Variants in FSTL5 observed in about 807,000 individuals in gnomAD.
FSTL5 encodes follistatin like 5, also known as follistatin-related protein 5.
A neutral mutation model predicts 89.1 loss-of-function variants in FSTL5; 62 were observed. The observed-to-expected ratio is 0.70, with a 90% CI of 0.57 to 0.86. The LOEUF (loss-of-function observed/expected upper bound fraction) is 0.86, where lower values mean the gene tolerates loss of function less well. Ranked by LOEUF, FSTL5 falls within the 40% of genes least tolerant of loss-of-function variation. The pLI is 0.00. For synonymous variants in FSTL5, 383 were observed against 346.2 expected (o/e 1.11, Z -1.18); for missense variants, 1,057 against 1,001.6 (o/e 1.06, Z -0.75).
chr4:161,978,861 T>C (rs572194374), intron 3 of FSTL5, among the ~76,000 whole-genome samples: 15 of 152,280 alleles, frequency 9.9e-5, no homozygotes, highest in Non-Finnish European at 1.8e-4. Context: ...TATTGCCTCA[T>C]ATCAGGAGAC....
At chr4:162,088,992 T>A (rs1250827521) in intron 2 of FSTL5, among the ~76,000 whole-genome samples, 2 of 152,096 alleles carry the variant, frequency 1.3e-5, no homozygotes, top group African/African-American at 2.4e-5. Context: ...AGAAAGATGA[T>A]TAGGCTGTAA....
intron 3 of FSTL5, among the ~76,000 whole-genome samples, chr4:161,995,610 A>G (rs529657563): frequency 8.5e-5 from 13 of 152,308 alleles, no homozygotes; most frequent in African/African-American, 3.1e-4. Context: ...AGCACTCCGC[A>G]TCAGTGCTTT....
intron 4 of FSTL5, among the ~76,000 whole-genome samples, chr4:161,842,709 C>A (rs187446572): frequency 6.6e-6 from 1 of 151,814 alleles, no homozygotes; most frequent in East Asian, 1.9e-4. Flanking sequence ...ATATAAGTGG[C>A]TTCTTAATAT....
At chr4:161,566,675 T>C (rs1379187499) in intron 8 of FSTL5, among the ~76,000 whole-genome samples, 1 of 152,106 alleles carries the variant, frequency 6.6e-6, no homozygotes, top group African/African-American at 2.4e-5. Context: ...TATCTCATTG[T>C]GGTTTTGATT....
At position 162,138,490 on chromosome 4, in the gene FSTL5, A is replaced by C. The variant is rs143307032; in HGVS notation, c.-17+25125T>G. On this transcript the variant is annotated intron_variant, in intron 1 of 15. Coordinates refer to ENST00000306100, the MANE Select transcript of FSTL5 (RefSeq NM_020116.5). ...ATAGAAGGAAAATCCTTAATCTTTA[A>C]AAAGACATCTATTTTTCTTAATGTA... Among the ~76,000 whole-genome samples the C allele has an allele frequency of 2.1e-3, 323 of 152,224 alleles. 1 individual carries two copies. The highest frequency in any genetic ancestry group is 7.1e-3 in the African/African-American group (296 of 41,576).
intron 1 of FSTL5, among the ~76,000 whole-genome samples, chr4:162,142,035 A>G (rs577163910): frequency 2.0e-5 from 3 of 152,270 alleles, no homozygotes; most frequent in South Asian, 2.1e-4. Flanking sequence ...TGAAGGTGCT[A>G]TTGTATCTAA....
At chr4:161,485,585 G>T (rs1729649841) in intron 12 of FSTL5, among the ~76,000 whole-genome samples, 1 of 152,030 alleles carries the variant, frequency 6.6e-6, no homozygotes, top group African/African-American at 2.4e-5. Context: ...ATAAACCAAA[G>T]AAAGAATGAA....
intron 5 of FSTL5, among the ~76,000 whole-genome samples, chr4:161,774,252 G>A (rs903796907): frequency 6.6e-6 from 1 of 152,032 alleles, no homozygotes. Flanking sequence ...CAAATGCAAG[G>A]GAAGGCTTAG....
chr4:161,581,788 G>C (rs571770994), intron 8 of FSTL5, among the ~76,000 whole-genome samples: 1 of 152,340 alleles, frequency 6.6e-6, no homozygotes, highest in East Asian at 1.9e-4. Context: ...TATTATGTAT[G>C]AGGGCTTAAA....
chr4:162,057,089 G>A lies in FSTL5; in HGVS notation c.127-23431C>T, dbSNP rs367639043. Among the ~76,000 whole-genome samples the A allele has an allele frequency of 2.8e-4, 42 of 152,348 alleles. 1 individual carries two copies. In the South Asian group the frequency reaches 8.7e-3, roughly 32 times the overall value. On this transcript the variant is annotated intron_variant, in intron 2 of 15. Coordinates refer to ENST00000306100, the MANE Select transcript of FSTL5 (RefSeq NM_020116.5). ...GTGCAGCAGGTTGCAAACAGGTCCT[G>A]AAGGGACGGCACATCCCAGCTGGAG...
At chr4:161,489,665 G>GA (rs1300777168) in intron 12 of FSTL5, among the ~76,000 whole-genome samples, 3 of 151,850 alleles carry the variant, frequency 2.0e-5, no homozygotes, top group African/African-American at 2.4e-5. Context: ...GTTAGTGAGG[G>GA]AAAAAAATTA....
In FSTL5 at chr4:161,690,701, A is replaced by C. The variant is rs893141833; in HGVS notation, c.728-34207T>G. On this transcript the variant is annotated intron_variant, in intron 6 of 15. Coordinates refer to ENST00000306100, the MANE Select transcript of FSTL5 (RefSeq NM_020116.5). Reference sequence around the variant, plus strand: ...AGGGGTACAAGTGCAGGTTTGTTACATAAGTAAAGTTGTGTCATGGGGGTT... The same window carrying C: ...AGGGGTACAAGTGCAGGTTTGTTACCTAAGTAAAGTTGTGTCATGGGGGTT... Among the ~76,000 whole-genome samples, 54 of 152,106 alleles carry C rather than the reference A, an allele frequency of 3.6e-4. 1 individual carries two copies. Among genetic ancestry groups the C allele is most frequent in the Non-Finnish European group, 6.6e-4 (45 of 67,992 alleles).
intron 1 of FSTL5, among the ~76,000 whole-genome samples, chr4:162,133,863 A>G (rs1732415749): frequency 6.6e-6 from 1 of 152,168 alleles, no homozygotes; most frequent in Non-Finnish European, 1.5e-5. Context: ...CTCAGTAAGG[A>G]TTCTCTCTTA....
At chr4:162,081,830 A>C (rs1477930477) in intron 2 of FSTL5, among the ~76,000 whole-genome samples, 2 of 150,712 alleles carry the variant, frequency 1.3e-5, no homozygotes, top group Admixed American at 1.3e-4. Context: ...ACACACACAC[A>C]CCTTCTTAAG....
chr4:161,510,010 T>C (rs10031003), intron 11 of FSTL5, among the ~76,000 whole-genome samples: 3,862 of 152,280 alleles, frequency 0.025, 157 homozygotes, highest in African/African-American at 0.088. Flanking sequence ...CCTTCAAGTA[T>C]GTAGCTCAGA....
At chr4:161,567,929 C>T (rs1732873664) in intron 8 of FSTL5, among the ~76,000 whole-genome samples, 1 of 151,958 alleles carries the variant, frequency 6.6e-6, no homozygotes, top group Non-Finnish European at 1.5e-5. Context: ...AGGAAAGAAT[C>T]ATTGGCTTGG....
At chr4:161,948,484 TC>T (rs1734799134) in intron 3 of FSTL5, among the ~76,000 whole-genome samples, 1 of 64,610 alleles carries the variant, frequency 1.5e-5, no homozygotes. Flanking sequence ...TTCTTTTCTT[TC>T]TTTTTTTTTT....
chr4:162,125,034 A>G (rs1732025341), intron 1 of FSTL5, among the ~76,000 whole-genome samples: 1 of 152,182 alleles, frequency 6.6e-6, no homozygotes, highest in South Asian at 2.1e-4. Flanking sequence ...GCAAGCTGTA[A>G]GTTTGATTCA....
intron 3 of FSTL5, among the ~76,000 whole-genome samples, chr4:161,936,248 T>C (rs1414297200): frequency 6.6e-6 from 1 of 151,944 alleles, no homozygotes; most frequent in Non-Finnish European, 1.5e-5. Context: ...CTTTTGCATA[T>C]ATCTACACAT....
Sources: allele counts gnomAD v4.1 joint callset (sites outside exome capture counted in the v4.1 genomes callset), GRCh38; gene constraint gnomAD v4.1.1; transcripts MANE v1.5; gene names NCBI Gene and HGNC (gene_info 2026-07-23, HGNC 2026-07-21).